B4GALNT4: variants seen among roughly 807,000 people sequenced by gnomAD.
The protein encoded by B4GALNT4 is N-acetyl-beta-glucosaminyl-glycoprotein 4-beta-N-acetylgalactosaminyltransferase 1.
A neutral mutation model predicts 110.0 loss-of-function variants in B4GALNT4; 77 were observed. The observed-to-expected ratio is 0.70, with a 90% confidence interval of 0.58 to 0.85. The LOEUF is 0.85. Ranked by LOEUF, B4GALNT4 falls within the 40% of genes least tolerant of loss-of-function variation. The pLI, the probability that B4GALNT4 is intolerant of heterozygous loss-of-function variation, is 0.00. For synonymous variants in B4GALNT4, 785 were observed against 655.5 expected (o/e 1.20, Z -3.02); for missense variants, 1,575 against 1,506.0 (o/e 1.05, Z -0.76).
At position 372,770 on chromosome 11, in the gene B4GALNT4, C is replaced by T. The variant is rs776671158; in HGVS notation, c.348+16C>T. 13 of 1,320,730 alleles carry T rather than the reference C, an allele frequency of 9.8e-6. No individual in the cohort carries two copies. The African/African-American group carries it at 1.3e-4, about 13-fold the overall frequency. 81.8% of individuals were successfully genotyped at this position (1,320,730 alleles called of 1,614,324 possible). On this transcript the variant is annotated intron_variant, in intron 3 of 19. Transcript: ENST00000329962. ...GCGGGAGGAGGTGAGCTGGCTCGGC[C>T]TGTAATGGGCTGGGAGGCAGGGCGG...
rs11825210 is a variant in B4GALNT4 at position 373,759 on chromosome 11, C to T, written c.714C>T (p.Ala238=). ...CTCCTCGTGTCCCCAGGCTCATGGC[C>T]TCCCGGAGGTACTACTTTGAGTTGC... ...SQVSKPRRLM[A]SRRYYFELLH... Residue 238 remains alanine (A), a synonymous_variant, in exon 8 of 20, where the codon GCC becomes GCT. Transcript: ENST00000329962. 2,023 of 1,612,324 alleles carry T rather than the reference C, an allele frequency of 1.3e-3. 17 individuals are homozygous for T. The African/African-American group carries it at 0.023, about 19-fold the overall frequency.
At position 369,904 on chromosome 11, in the gene B4GALNT4, G is replaced by A; in HGVS notation, c.101G>A (p.Gly34Asp). 1 of 985,218 alleles carries A rather than the reference G, an allele frequency of 1.0e-6. No individual in the cohort carries two copies. The highest frequency in any genetic ancestry group is 1.2e-6 in the Non-Finnish European group (1 of 831,028). The allele number at this position is 985,218 out of a possible 1,614,324, so 61.0% of individuals were successfully genotyped here. A position where few individuals can be genotyped will look rare whatever the true frequency, so the allele number is the denominator to read the frequency against. The change falls in exon 1 of 20, where the codon GGC (glycine) becomes GAC (aspartate). Residue 34 changes from glycine (G) to aspartate (D), a missense_variant. Coordinates refer to ENST00000329962, the MANE Select transcript of B4GALNT4 (RefSeq NM_178537.5). Reference sequence around the variant, plus strand: ...GCGTGGCTCACCTACGTGCACCTGGGCCTGGTGCGCCAGGGACGCGCGCTG... The same window carrying A: ...GCGTGGCTCACCTACGTGCACCTGGACCTGGTGCGCCAGGGACGCGCGCTG... ...CAAWLTYVHL[G>D]LVRQGRALRQ...
At chr11:371,240 C>G (rs1846613181) in intron 1 of B4GALNT4, among the ~76,000 whole-genome samples, 1 of 152,174 alleles carries the variant, frequency 6.6e-6, no homozygotes, top group South Asian at 2.1e-4. Flanking sequence ...CCAACAGCTG[C>G]CCAGGGAGAG....
At chr11:374,102 A>C (rs1459242914) in intron 8 of B4GALNT4, among the ~76,000 whole-genome samples, 1 of 151,630 alleles carries the variant, frequency 6.6e-6, no homozygotes, top group East Asian at 2.0e-4. Context: ...GATGAATTCC[A>C]CACCACAAGA....
rs1846638890 is a variant in B4GALNT4 at position 372,708 on chromosome 11, G to A, written c.302G>A (p.Arg101Lys). ...LDMLFPGGAG[R>K]LPLNFTHQTP... is the part of the protein sequence containing the mutation. ...ATGCTGTTTCCTGGGGGGGCTGGGA[G>A]GCTGCCACTGAACTTCACCCATCAG... The change falls in exon 3 of 20, where the codon AGG becomes AAG. Residue 101 changes from arginine to lysine, a missense_variant. Transcript: ENST00000329962. The A allele has an allele frequency of 6.2e-7, 1 of 1,611,584 alleles. No individual in the cohort carries two copies. The highest frequency in any genetic ancestry group is 2.2e-5 in the East Asian group (1 of 44,802).
At chr11:378,685 GATGAGGA>G (rs1369019262) in intron 14 of B4GALNT4, among the ~76,000 whole-genome samples, 1 of 152,216 alleles carries the variant, frequency 6.6e-6, no homozygotes, top group Non-Finnish European at 1.5e-5. Context: ...GTTTTCTCCA[GATGAGGA>G]GAGCAGAGTG....
chr11:373,672 G>GAGC, intron 7 of B4GALNT4, 78 bp from the exon 8 acceptor site: 1 of 1,554,084 alleles, frequency 6.4e-7, no homozygotes, highest in Non-Finnish European at 8.8e-7. Context: ...AGGGGTGTGG[G>GAGC]AGCCACCTGC....
chr11:378,141 A>C (rs1846798738), intron 14 of B4GALNT4, among the ~76,000 whole-genome samples: 1 of 151,694 alleles, frequency 6.6e-6, no homozygotes, highest in African/African-American at 2.4e-5. Flanking sequence ...TGTGTGATGG[A>C]AGGTTGCGAG....
At chr11:377,764 G>A (rs1846789281) in intron 14 of B4GALNT4, among the ~76,000 whole-genome samples, 1 of 152,246 alleles carries the variant, frequency 6.6e-6, no homozygotes, top group African/African-American at 2.4e-5. Context: ...CCCTCGCAGT[G>A]CCCCTGGGCG....
Position 378,127 on chromosome 11 carries a change from C to T in B4GALNT4, c.2204+800C>T, listed in dbSNP as rs555381734. Among the ~76,000 whole-genome samples, 6 of 151,000 alleles carry T rather than the reference C, an allele frequency of 4.0e-5. No individual in the cohort carries two copies. The East Asian group carries it at 1.2e-3, about 29-fold the overall frequency. On this transcript the variant is annotated intron_variant, in intron 14 of 19. Coordinates refer to ENST00000329962, the MANE Select transcript of B4GALNT4 (RefSeq NM_178537.5). ...TGGAGACAGGGCCAGGACTGTTTCT[C>T]ATGTGTGTGATGGAAGGTTGCGAGC...
chr11:378,985 C>G (rs182327194), intron 14 of B4GALNT4, among the ~76,000 whole-genome samples: 36 of 152,210 alleles, frequency 2.4e-4, no homozygotes, highest in African/African-American at 8.2e-4. Context: ...AGTCTGCTAC[C>G]CCAGTATGAG....
rs1180352254 is a variant in B4GALNT4, at chr11:376,697, T to G, written c.1574T>G (p.Val525Gly). Residue 525 changes from valine to glycine, a missense_variant, in exon 14 of 20, where the codon GTG becomes GGG. Val to Gly is a moderately radical substitution (Grantham distance 109). Transcript: ENST00000329962. ...GCAGTGGAGCAGCCGCCCCCAAAGGTGTACGTGACCAGGGTGCGGCCGGGA... is the reference window on the plus strand; with the variant it reads ...GCAGTGGAGCAGCCGCCCCCAAAGGGGTACGTGACCAGGGTGCGGCCGGGA... ...RPAVEQPPPK[V>G]YVTRVRPGQR... 1 of 1,421,288 alleles carries G rather than the reference T, an allele frequency of 7.0e-7. No homozygotes were observed. The highest frequency in any genetic ancestry group is 2.9e-5 in the Admixed American group (1 of 33,974). The allele number at this position is 1,421,288 out of a possible 1,614,324, so 88.0% of individuals were successfully genotyped here. A position where few individuals can be genotyped will look rare whatever the true frequency, so the allele number is the denominator to read the frequency against.
In B4GALNT4 at chr11:380,921, G is replaced by T. The variant is rs202153599; in HGVS notation, c.2966G>T (p.Trp989Leu). 4 of 1,612,890 alleles carry T rather than the reference G, an allele frequency of 2.5e-6. No homozygotes were observed. Among genetic ancestry groups the T allele is most frequent in the Non-Finnish European group, 3.4e-6 (4 of 1,179,454 alleles). Residue 989 changes from tryptophan to leucine, a missense_variant, in exon 19 of 20, where the codon TGG becomes TTG. By Grantham distance (61) the Trp-to-Leu change is moderately conservative (BLOSUM62 -2). Coordinates refer to ENST00000329962, the MANE Select transcript of B4GALNT4 (RefSeq NM_178537.5). ...AACACGGAGGAGTTCCGAGACCAGTGGGGGGGTGAAGACTGGGAGCTCCTG... is the reference window on the plus strand; with the variant it reads ...AACACGGAGGAGTTCCGAGACCAGTTGGGGGGTGAAGACTGGGAGCTCCTG... ...GMNTEEFRDQ[W>L]GGEDWELLDR...
Position 376,521 on chromosome 11 carries a change from C to G in B4GALNT4, c.1398C>G (p.Ala466=). 1 of 1,467,934 alleles carries G rather than the reference C, an allele frequency of 6.8e-7. No homozygotes were observed. 90.9% of individuals were successfully genotyped at this position (1,467,934 alleles called of 1,614,324 possible). ...RSGPQSPAPA[A]PAQPGATLAP... ...GCCCCCAGTCCCCCGCCCCAGCAGC[C>G]CCCGCCCAGCCCGGAGCCACCCTCG... is the stretch of plus-strand genomic sequence containing the variant. Residue 466 remains alanine, a synonymous_variant, in exon 14 of 20, where the codon GCC becomes GCG. Coordinates refer to ENST00000329962, the MANE Select transcript of B4GALNT4 (RefSeq NM_178537.5).
In B4GALNT4 at chr11:373,105, C is replaced by T. The variant is rs774955859; in HGVS notation, c.524C>T (p.Pro175Leu). Residue 175 changes from proline (P) to leucine (L), a missense_variant, in exon 5 of 20, where the codon CCG (proline) becomes CTG (leucine). By Grantham distance (98) the Pro-to-Leu change is moderately conservative. Coordinates refer to ENST00000329962, the MANE Select transcript of B4GALNT4 (RefSeq NM_178537.5). Reference protein sequence around the residue: ...YGLRIFGFIHPARDGDVQFSV... With the variant: ...YGLRIFGFIHLARDGDVQFSV... ...CTCCGTATTTTTGGTTTCATCCACCCGGCGAGGGACGGTACGGGGGTGAGG... is the reference window on the plus strand; with the variant it reads ...CTCCGTATTTTTGGTTTCATCCACCTGGCGAGGGACGGTACGGGGGTGAGG... 30 of 1,612,396 alleles carry T rather than the reference C, an allele frequency of 1.9e-5. No individual in the cohort carries two copies. Among genetic ancestry groups the T allele is most frequent in the Non-Finnish European group, 2.2e-5 (26 of 1,179,888 alleles).
chr11:378,090 A>C (rs1188625933), intron 14 of B4GALNT4, among the ~76,000 whole-genome samples: 2 of 151,904 alleles, frequency 1.3e-5, no homozygotes, highest in Non-Finnish European at 2.9e-5. Flanking sequence ...GAGCAAAGCC[A>C]GGGGCAGAGG....
intron 14 of B4GALNT4, among the ~76,000 whole-genome samples, chr11:378,864 A>G (rs1846813572): frequency 6.6e-6 from 1 of 152,250 alleles, no homozygotes; most frequent in East Asian, 1.9e-4. Flanking sequence ...GCTTCTCAGA[A>G]GAGGTGACCC....
chr11:380,664 G>T (rs1451005924), intron 18 of B4GALNT4, 161 bp from the exon 19 acceptor site: 2 of 1,333,610 alleles, frequency 1.5e-6, no homozygotes, highest in East Asian at 2.4e-5. Context: ...TATGCACCGC[G>T]CTCCAGGGTC....
In B4GALNT4 at chr11:380,906, A is replaced by G; in HGVS notation, c.2951A>G (p.Glu984Gly). ...CGGGTTGGAGGAATGAACACGGAGG[A>G]GTTCCGAGACCAGTGGGGGGGTGAA... Reference protein sequence around the residue: ...FDRVGGMNTEEFRDQWGGEDW... With the variant: ...FDRVGGMNTEGFRDQWGGEDW... The change falls in exon 19 of 20, where the codon GAG becomes GGG. Residue 984 changes from glutamate to glycine, a missense_variant. Transcript: ENST00000329962. 3 of 1,613,596 alleles carry G rather than the reference A, an allele frequency of 1.9e-6. No homozygotes were observed. Among genetic ancestry groups the G allele is most frequent in the Non-Finnish European group, 2.5e-6 (3 of 1,179,816 alleles).
Sources: allele counts gnomAD v4.1 joint callset (sites outside exome capture counted in the v4.1 genomes callset), GRCh38; gene constraint gnomAD v4.1.1; transcripts MANE v1.5; gene names NCBI Gene and HGNC (gene_info 2026-07-23, HGNC 2026-07-21).